The following SLC1A4 variants were observed in gnomAD, a reference collection of about 807,000 sequenced individuals.
SLC1A4 encodes solute carrier family 1 member 4, also known as neutral amino acid transporter A.
Under a neutral mutation model 37.7 loss-of-function variants are expected in SLC1A4, and 19 were observed. The observed-to-expected ratio is 0.50, with a 90% CI of 0.35 to 0.74. SLC1A4 has a LOEUF of 0.74. Ranked by LOEUF, SLC1A4 falls within the 30% of genes least tolerant of loss-of-function variation. The pLI is 0.01. For synonymous variants in SLC1A4, 299 were observed against 309.8 expected, an observed-to-expected ratio of 0.97 and a Z score of 0.37; for missense variants, 570 against 712.9, an observed-to-expected ratio of 0.80 and a Z score of 2.28.
Position 65,017,989 on chromosome 2 carries a change from T to C in SLC1A4, c.1035-82T>C, listed in dbSNP as rs1366130223. 21 of 1,184,018 alleles carry C rather than the reference T, an allele frequency of 1.8e-5. No individual in the cohort carries two copies. In the East Asian group the frequency reaches 2.8e-4, roughly 16 times the overall value. 73.3% of individuals were successfully genotyped at this position (1,184,018 alleles called of 1,614,324 possible). On this transcript the variant is annotated intron_variant, in intron 5 of 7. Coordinates refer to ENST00000234256, the MANE Select transcript of SLC1A4 (RefSeq NM_003038.5). ...GAAACGAAGATGGTGCTAATTGCTCTGTTCTGGGGTCTGAGACAAGACACA... is the reference window on the plus strand; with the variant it reads ...GAAACGAAGATGGTGCTAATTGCTCCGTTCTGGGGTCTGAGACAAGACACA...
At position 64,989,838 on chromosome 2, in the gene SLC1A4, C is replaced by A; in HGVS notation, c.195C>A (p.Leu65=). 6.5e-7 allele frequency: 1 copy of A among 1,537,848 alleles called. No homozygotes were observed. The highest frequency in any genetic ancestry group is 8.7e-7 in the Non-Finnish European group (1 of 1,146,142). ...GCCTGGGCGCGGCGTTGCGCGGGCT[C>A]AGCCTGAGCCGCACGCAGGTCACCT... ...GAGLGAALRG[L]SLSRTQVTYL... is the part of the protein sequence containing the mutation. The change falls in exon 1 of 8, where the codon CTC becomes CTA. Residue 65 remains leucine, a synonymous_variant. Coordinates refer to ENST00000234256, the MANE Select transcript of SLC1A4 (RefSeq NM_003038.5).
intron 5 of SLC1A4, 59 bp downstream of exon 5, chr2:65,016,732 G>T (rs755977399): frequency 5.1e-5 from 57 of 1,126,282 alleles, no homozygotes; most frequent in Non-Finnish European, 7.3e-5. Context: ...AACCAGGTGA[G>T]CCCAGTGGTA....
At position 64,996,496 on chromosome 2, in the gene SLC1A4, G is replaced by A. The variant is rs540622765; in HGVS notation, c.528-4952G>A. ...GTGAAAGTGGGTGATGTGCAGAGGC[G>A]AACACAGGATGACCATTTGGTCCTC... is the stretch of plus-strand genomic sequence containing the variant. On this transcript the variant is annotated intron_variant, in intron 1 of 7. Coordinates refer to ENST00000234256, the MANE Select transcript of SLC1A4 (RefSeq NM_003038.5). Among the ~76,000 whole-genome samples the A allele has an allele frequency of 2.0e-5, 3 of 152,310 alleles. No individual in the cohort carries two copies. In the East Asian group the frequency reaches 5.8e-4, roughly 29 times the overall value.
In SLC1A4 at chr2:64,989,966, G is replaced by A; in HGVS notation, c.323G>A (p.Ser108Asn). The A allele has an allele frequency of 1.9e-6, 3 of 1,579,234 alleles. No homozygotes were observed. Among genetic ancestry groups the A allele is most frequent in the Non-Finnish European group, 2.6e-6 (3 of 1,162,616 alleles). Residue 108 changes from serine (S) to asparagine (N), a missense_variant, in exon 1 of 8, where the codon AGC becomes AAC. Physicochemically the swap from Ser to Asn is conservative, Grantham distance 46. Coordinates refer to ENST00000234256, the MANE Select transcript of SLC1A4 (RefSeq NM_003038.5). ...LVSGAASLDASCLGRLGGIAV... is the reference protein window; with the variant it reads ...LVSGAASLDANCLGRLGGIAV... ...TCGGGCGCCGCCTCGCTCGATGCCAGCTGCCTCGGGCGTCTGGGCGGCATC... is the reference window on the plus strand; with the variant it reads ...TCGGGCGCCGCCTCGCTCGATGCCAACTGCCTCGGGCGTCTGGGCGGCATC...
At chr2:64,990,459 C>T (rs1037364581) in intron 1 of SLC1A4, among the ~76,000 whole-genome samples, 3 of 152,152 alleles carry the variant, frequency 2.0e-5, no homozygotes, top group African/African-American at 4.8e-5. Context: ...AGCCAGCCGC[C>T]CCGCCTGTTC....
intron 3 of SLC1A4, among the ~76,000 whole-genome samples, chr2:65,010,327 C>A (rs937701208): frequency 7.2e-5 from 11 of 152,158 alleles, no homozygotes; most frequent in African/African-American, 2.7e-4. Flanking sequence ...GACAGGGAGC[C>A]CACTACCTTC....
chr2:64,990,164 T>C lies in SLC1A4; in HGVS notation c.521T>C (p.Leu174Pro). 6.2e-7 allele frequency: 1 copy of C among 1,602,246 alleles called. No homozygotes were observed. The highest frequency in any genetic ancestry group is 8.5e-7 in the Non-Finnish European group (1 of 1,173,276). ...PKETVDSFLD[L>P]ARNLFPSNLV... ...GAGACGGTGGACTCTTTCCTCGACC[T>C]GGCCAGGTAACACTCTCCACCTCTC... Residue 174 changes from leucine to proline, a missense_variant, in exon 1 of 8, where the codon CTG (leucine) becomes CCG (proline). Physicochemically the swap from Leu to Pro is moderately conservative, Grantham distance 98. Coordinates refer to ENST00000234256, the MANE Select transcript of SLC1A4 (RefSeq NM_003038.5).
chr2:65,010,405 T>C (rs1673869213), intron 3 of SLC1A4, among the ~76,000 whole-genome samples, 192 bp from the exon 4 acceptor site: 1 of 152,256 alleles, frequency 6.6e-6, no homozygotes, highest in Non-Finnish European at 1.5e-5. Flanking sequence ...TTGTTGGCTT[T>C]CTGTATCCTC....
intron 4 of SLC1A4, among the ~76,000 whole-genome samples, chr2:65,016,107 G>C (rs560867785): frequency 6.6e-6 from 1 of 152,214 alleles, no homozygotes; most frequent in South Asian, 2.1e-4. Flanking sequence ...CAGTCCTGGA[G>C]GCTTTGATCT....
intron 1 of SLC1A4, among the ~76,000 whole-genome samples, chr2:64,992,521 C>T (rs1471053913): frequency 6.6e-6 from 1 of 152,126 alleles, no homozygotes; most frequent in Non-Finnish European, 1.5e-5. Flanking sequence ...TTCATCTAAT[C>T]CAGCAGCTCA....
Position 65,018,384 on chromosome 2 carries a change from A to G in SLC1A4, c.1229+119A>G. ...CATAAAATGAGGACAGTGGGGATTC[A>G]TTACTTGAAGAGCGTGTGTTGACTC... On this transcript the variant is annotated intron_variant, in intron 6 of 7. Transcript: ENST00000234256. The surrounding 1 kb of genome is among the most constrained non-coding windows in gnomAD (Gnocchi z 4.3). The G allele has an allele frequency of 7.2e-7, 1 of 1,384,686 alleles. No homozygotes were observed. Among genetic ancestry groups the G allele is most frequent in the South Asian group, 1.3e-5 (1 of 75,124 alleles). 85.8% of individuals were successfully genotyped at this position (1,384,686 alleles called of 1,614,324 possible).
At chr2:65,015,636 A>C (rs1674094956) in intron 4 of SLC1A4, among the ~76,000 whole-genome samples, 1 of 152,196 alleles carries the variant, frequency 6.6e-6, no homozygotes, top group Non-Finnish European at 1.5e-5. Flanking sequence ...AACTCAAGAA[A>C]CCAGTGACAT....
intron 1 of SLC1A4, among the ~76,000 whole-genome samples, chr2:64,993,903 T>C (rs970268701): frequency 2.0e-5 from 3 of 152,210 alleles, no homozygotes; most frequent in African/African-American, 7.2e-5. Context: ...ACACCTGTGC[T>C]CTTGTTATAA....
chr2:65,000,892 G>A (rs904674194), intron 1 of SLC1A4: 1 of 152,566 alleles, frequency 6.6e-6, no homozygotes, highest in African/African-American at 2.4e-5. Flanking sequence ...CCCAATTGGG[G>A]AATGCCTCAA....
chr2:65,010,540 C>T (rs964148476), intron 3 of SLC1A4, 57 bp from the exon 4 acceptor site: 2 of 1,428,666 alleles, frequency 1.4e-6, no homozygotes, highest in East Asian at 2.4e-5. Flanking sequence ...CAAGCAAATA[C>T]ATCTTTAATT....
rs1674295953 is a variant in SLC1A4, at chr2:65,018,860, A to G, written c.1364+181A>G. On this transcript the variant is annotated intron_variant, in intron 7 of 7. Transcript: ENST00000234256. The surrounding 1 kb of genome is among the most constrained non-coding windows in gnomAD (Gnocchi z 4.3). ...GGAAAAATTAAACAATATGAGAGTC[A>G]CATGCCCCCAAACATCCAGGAATGA... Among the ~76,000 whole-genome samples the G allele has an allele frequency of 6.6e-6, 1 of 152,236 alleles. No individual in the cohort carries two copies. Among genetic ancestry groups the G allele is most frequent in the African/African-American group, 2.4e-5 (1 of 41,464 alleles).
chr2:64,989,478 C>T lies in SLC1A4; in HGVS notation c.-166C>T. 1.9e-6 allele frequency: 1 copy of T among 537,210 alleles called. No individual in the cohort carries two copies. The highest frequency in any genetic ancestry group is 2.9e-6 in the Non-Finnish European group (1 of 341,526). The allele number at this position is 537,210 out of a possible 1,614,324, so 33.3% of individuals were successfully genotyped here. On this transcript the variant is annotated 5_prime_UTR_variant, in exon 1 of 8. Transcript: ENST00000234256. ...GCTCCAACCCGCACTCTGCGCCTCT[C>T]CTCGCCTTTCTCGCACCTGCTCCTG... is the stretch of plus-strand genomic sequence containing the variant.
At chr2:64,992,065 T>C (rs1234882462) in intron 1 of SLC1A4, among the ~76,000 whole-genome samples, 1 of 152,224 alleles carries the variant, frequency 6.6e-6, no homozygotes, top group Non-Finnish European at 1.5e-5. Flanking sequence ...AGAAGTCTCC[T>C]GAGGTTGAGA....
At chr2:65,012,340 C>T (rs1673956371) in intron 4 of SLC1A4, among the ~76,000 whole-genome samples, 1 of 152,160 alleles carries the variant, frequency 6.6e-6, no homozygotes, top group Non-Finnish European at 1.5e-5. Context: ...CTGCCCGCCT[C>T]AGCCTCCCAA....
Sources: allele counts gnomAD v4.1 joint callset (sites outside exome capture counted in the v4.1 genomes callset), GRCh38; gene constraint gnomAD v4.1.1; non-coding constraint Gnocchi (gnomAD v3.1); transcripts MANE v1.5; gene names NCBI Gene and HGNC (gene_info 2026-07-23, HGNC 2026-07-21).